Variants in PSMC3 observed in about 807,000 individuals in gnomAD.
The protein encoded by PSMC3 is 26S proteasome regulatory subunit 6A.
A neutral mutation model predicts 52.0 loss-of-function variants in PSMC3; 11 were observed. The ratio of observed to expected loss-of-function variants is 0.21; its 90% CI spans 0.13 to 0.35. The LOEUF (loss-of-function observed/expected upper bound fraction) is 0.35, where lower values mean the gene tolerates loss of function less well. PSMC3 is among the 10% of genes least tolerant of loss of function. The pLI, the probability that PSMC3 is intolerant of heterozygous loss-of-function variation, is 1.00. For synonymous variants in PSMC3, 201 were observed against 218.8 expected (o/e 0.92, Z 0.72); for missense variants, 238 against 567.1 (o/e 0.42, Z 5.89).
chr11:47,420,129 G>C (rs1348508644), intron 10 of PSMC3, 135 bp downstream of exon 10: 3 of 1,052,764 alleles, frequency 2.8e-6, no homozygotes, highest in African/African-American at 3.1e-5. Flanking sequence ...CTGGCGTGTG[G>C]AACGGTGCTG....
chr11:47,420,100 A>G (rs940532291), intron 10 of PSMC3, among the ~76,000 whole-genome samples, 164 bp downstream of exon 10: 2 of 152,084 alleles, frequency 1.3e-5, no homozygotes, highest in Non-Finnish European at 2.9e-5. Context: ...TACATCACAC[A>G]ACTGAGGAGA....
chr11:47,420,255 C>A lies in PSMC3; in HGVS notation c.1127+9G>T, dbSNP rs768814895. 14 of 1,614,012 alleles carry A rather than the reference C, an allele frequency of 8.7e-6. No homozygotes were observed. In the East Asian group the frequency reaches 3.1e-4, roughly 36 times the overall value. The stretch of plus-strand genomic sequence containing the variant: ...CAGGTCTCTGTGCCCTGCCCGTGCT[C>A]CTGCTCACCTGACATTCATCTTTCG... On this transcript the variant is annotated intron_variant, in intron 10 of 11. Coordinates refer to ENST00000298852, the MANE Select transcript of PSMC3 (RefSeq NM_002804.5).
At position 47,424,240 on chromosome 11, in the gene PSMC3, A is replaced by AC. The variant is rs1392627520; in HGVS notation, c.454-58dup. ...GCCCAGCTCAAGGGCTACCCAACTG[A>AC]CTGGGTGACAGGTGTCTGCAGAGGG... On this transcript the variant is annotated intron_variant, in intron 5 of 11. Coordinates refer to ENST00000298852, the MANE Select transcript of PSMC3 (RefSeq NM_002804.5). This position sits in a 1 kb window ranked among gnomAD's most constrained non-coding sequence, Gnocchi z 4.8. 1.2e-6 allele frequency: 2 copies of AC among 1,611,068 alleles called. No individual in the cohort carries two copies. The highest frequency in any genetic ancestry group is 1.7e-6 in the Non-Finnish European group (2 of 1,177,398).
At position 47,424,446 on chromosome 11, in the gene PSMC3, T is replaced by C. The variant is rs775489238; in HGVS notation, c.436A>G (p.Lys146Glu). ...VIGLVDAEKL[K>E]PGDLVGVNKD... ...CCACTCACCACCAGGTCTCCTGGCT[T>C]TAGCTTTTCAGCATCCACCAACCCA... The change falls in exon 5 of 12, where the codon AAG (lysine) becomes GAG (glutamate). Residue 146 changes from lysine to glutamate, a missense_variant. By Grantham distance (56) the Lys-to-Glu change is moderately conservative. Transcript: ENST00000298852. The surrounding 1 kb of genome is among the most constrained non-coding windows in gnomAD (Gnocchi z 4.8). The C allele has an allele frequency of 6.2e-7, 1 of 1,614,146 alleles. No individual in the cohort carries two copies. Among genetic ancestry groups the C allele is most frequent in the South Asian group, 1.1e-5 (1 of 91,086 alleles).
chr11:47,419,885 A>T (rs1221720884), intron 10 of PSMC3, among the ~76,000 whole-genome samples: 2 of 151,778 alleles, frequency 1.3e-5, no homozygotes, highest in South Asian at 2.1e-4. Flanking sequence ...AAAAAAAAGT[A>T]AGGCTGAGAG....
Position 47,424,754 on chromosome 11 carries a change from C to T in PSMC3, c.286-43G>A. ...CTCAGCTCCTTGAACTCCCCAAGGCCCAGTGCTTCCTAAGACAGTTCCTAA... is the reference window on the plus strand; with the variant it reads ...CTCAGCTCCTTGAACTCCCCAAGGCTCAGTGCTTCCTAAGACAGTTCCTAA... On this transcript the variant is annotated intron_variant, in intron 3 of 11. Transcript: ENST00000298852. The surrounding 1 kb of genome is among the most constrained non-coding windows in gnomAD (Gnocchi z 4.8). 2.0e-6 allele frequency: 3 copies of T among 1,481,742 alleles called. No individual in the cohort carries two copies. In the East Asian group the frequency reaches 6.8e-5, roughly 33 times the overall value. The allele number at this position is 1,481,742 out of a possible 1,614,324, so 91.8% of individuals were successfully genotyped here.
At chr11:47,425,292 C>T in intron 2 of PSMC3, 46 bp from the exon 3 acceptor site, 1 of 1,610,714 alleles carries the variant, frequency 6.2e-7, no homozygotes, top group Middle Eastern at 1.7e-4. Context: ...CCTGGCACAG[C>T]TTATGCTAGA....
At position 47,424,259 on chromosome 11, in the gene PSMC3, C is replaced by T. The variant is rs2096043955; in HGVS notation, c.454-76G>A. The stretch of plus-strand genomic sequence containing the variant: ...CAACTGACTGGGTGACAGGTGTCTG[C>T]AGAGGGAAAGACACAGGACTGGGCA... On this transcript the variant is annotated intron_variant, in intron 5 of 11. Coordinates refer to ENST00000298852, the MANE Select transcript of PSMC3 (RefSeq NM_002804.5). The surrounding 1 kb of genome is among the most constrained non-coding windows in gnomAD (Gnocchi z 4.8). The T allele has an allele frequency of 6.3e-7, 1 of 1,598,776 alleles. No individual in the cohort carries two copies. The highest frequency in any genetic ancestry group is 1.3e-5 in the African/African-American group (1 of 74,696).
chr11:47,424,594 G>A lies in PSMC3; in HGVS notation c.390+13C>T, dbSNP rs772248870. On this transcript the variant is annotated intron_variant, in intron 4 of 11. Coordinates refer to ENST00000298852, the MANE Select transcript of PSMC3 (RefSeq NM_002804.5). The surrounding 1 kb of genome is among the most constrained non-coding windows in gnomAD (Gnocchi z 4.8). Reference sequence around the variant, plus strand: ...CACCCTCCTCCAGTCTCTCATTGCTGAGCCACGCTCACCTGTCGTGTAGAG... The same window carrying A: ...CACCCTCCTCCAGTCTCTCATTGCTAAGCCACGCTCACCTGTCGTGTAGAG... 80 of 1,610,400 alleles carry A rather than the reference G, an allele frequency of 5.0e-5. No individual in the cohort carries two copies. The South Asian group carries it at 7.9e-4, about 16-fold the overall frequency.
chr11:47,420,788 C>T (rs761101054), intron 8 of PSMC3, 61 bp from the exon 9 acceptor site: 169 of 1,463,164 alleles, frequency 1.2e-4, no homozygotes, highest in Non-Finnish European at 1.3e-4. Flanking sequence ...CCCTCCCCTC[C>T]TCTACCCCCT....
intron 8 of PSMC3, among the ~76,000 whole-genome samples, chr11:47,421,934 G>C (rs1022203474): frequency 1.3e-5 from 2 of 152,018 alleles, no homozygotes; most frequent in African/African-American, 4.8e-5. Flanking sequence ...ATACAGGAGT[G>C]AGCCACTGCA....
At position 47,422,999 on chromosome 11, in the gene PSMC3, G is replaced by A. The variant is rs753695741; in HGVS notation, c.592-26C>T. 1 of 1,592,174 alleles carries A rather than the reference G, an allele frequency of 6.3e-7. No homozygotes were observed. On this transcript the variant is annotated intron_variant, in intron 6 of 11. Coordinates refer to ENST00000298852, the MANE Select transcript of PSMC3 (RefSeq NM_002804.5). This position sits in a 1 kb window ranked among gnomAD's most constrained non-coding sequence, Gnocchi z 4.3. ...CTGCCAGGAGGAAGTCCTGGGTGAG[G>A]AGATGAAGCCCTGAGGGCTTCTACA...
chr11:47,426,300 AGAT>A lies in PSMC3; in HGVS notation c.-24_-22del. The A allele has an allele frequency of 1.3e-6, 2 of 1,545,376 alleles. No individual in the cohort carries two copies. The highest frequency in any genetic ancestry group is 1.8e-6 in the Non-Finnish European group (2 of 1,142,346). ...TTCATTTCCTGGAGGAGCGGGCAGA[AGAT>A]GGGACCAGGCGGGAGCCGCAACGGG... On this transcript the variant is annotated 5_prime_UTR_variant, in exon 1 of 12. Transcript: ENST00000298852.
At chr11:47,425,459 G>T in intron 2 of PSMC3, 1 of 611,476 alleles carries the variant, frequency 1.6e-6, no homozygotes, top group Non-Finnish European at 2.9e-6. Flanking sequence ...AATAGTGGTA[G>T]TATTGGAATA....
intron 2 of PSMC3, chr11:47,425,484 A>C: frequency 1.7e-6 from 1 of 590,434 alleles, no homozygotes. Flanking sequence ...CAGGCCTCCG[A>C]GAGAGGCAAA....
chr11:47,425,987 T>G (rs756297402), intron 1 of PSMC3, 37 bp from the exon 2 acceptor site: 1 of 1,576,752 alleles, frequency 6.3e-7, no homozygotes, highest in Non-Finnish European at 8.7e-7. Context: ...ATATTTACTT[T>G]TACTCAGGAC....
In PSMC3 at chr11:47,422,468, G is replaced by T. The variant is rs2096041747; in HGVS notation, c.884+106C>A. ...GTTGAGGAGCCACCATCCAGGGGCA[G>T]GAGGGGATACAGGGTGGGAAGGAAC... On this transcript the variant is annotated intron_variant, in intron 8 of 11. Transcript: ENST00000298852. The surrounding 1 kb of genome is among the most constrained non-coding windows in gnomAD (Gnocchi z 4.3). The T allele has an allele frequency of 7.2e-7, 1 of 1,383,966 alleles. No homozygotes were observed. The highest frequency in any genetic ancestry group is 2.3e-5 in the East Asian group (1 of 43,388). The allele number at this position is 1,383,966 out of a possible 1,614,324, so 85.7% of individuals were successfully genotyped here.
At chr11:47,425,497 T>G (rs2096045355) in intron 2 of PSMC3, 1 of 576,128 alleles carries the variant, frequency 1.7e-6, no homozygotes, top group Non-Finnish European at 3.1e-6. Flanking sequence ...GAGGCAAACA[T>G]AGGTTTTAGG....
chr11:47,419,717 G>A (rs1001382949), intron 10 of PSMC3, among the ~76,000 whole-genome samples: 1 of 152,036 alleles, frequency 6.6e-6, no homozygotes, highest in Non-Finnish European at 1.5e-5. Context: ...AAATTAGCCG[G>A]GCGTGGTGGC....
Sources: gnomAD v4.1 joint callset for allele counts (sites outside exome capture counted in the v4.1 genomes callset) on GRCh38, gnomAD v4.1.1 for gene constraint, Gnocchi (gnomAD v3.1) non-coding constraint, MANE v1.5 for transcripts, NCBI Gene and HGNC (gene_info 2026-07-23, HGNC 2026-07-21) for gene names.